Variants in RBCK1 observed in about 807,000 individuals in gnomAD.
RBCK1 encodes the protein RANBP2-type and C3HC4-type zinc finger containing 1, also known as ranBP-type and C3HC4-type zinc finger-containing protein 1.
RBCK1 carries 44 observed loss-of-function variants against 71.1 expected under a neutral mutation model. The ratio of observed to expected loss-of-function variants is 0.62; its 90% CI spans 0.49 to 0.80. RBCK1 has a LOEUF of 0.80. Ranked by LOEUF, RBCK1 falls within the 30% of genes least tolerant of loss-of-function variation. The pLI is 0.00. For synonymous variants in RBCK1, 306 were observed against 279.7 expected, an observed-to-expected ratio of 1.09 and a Z score of -0.94; for missense variants, 569 against 685.0, an observed-to-expected ratio of 0.83 and a Z score of 1.89.
In RBCK1 at chr20:430,373, C is replaced by T. The variant is rs2016956692; in HGVS notation, c.1476C>T (p.Gly492=). Residue 492 remains glycine, a synonymous_variant, in exon 12 of 12, where the codon GGC becomes GGT. Coordinates refer to ENST00000356286, the MANE Select transcript of RBCK1 (RefSeq NM_031229.4). The surrounding 1 kb of genome is among the most constrained non-coding windows in gnomAD (Gnocchi z 5.6). ...GPGGPGDTSG[G]CRCRVNGIPC... is the part of the protein sequence containing the mutation. ...AGGGCCCAGGAGACACCAGCGGGGG[C>T]TGCCGCTGCAGGGTAAATGGGATTC... 1.2e-6 allele frequency: 2 copies of T among 1,613,148 alleles called. No homozygotes were observed. Among genetic ancestry groups the T allele is most frequent in the African/African-American group, 2.7e-5 (2 of 75,054 alleles).
chr20:419,117 G>A lies in RBCK1; in HGVS notation c.461-230G>A, dbSNP rs959093. ...CAGGAGGCACGGAAGGGCTGGTGTTGTGCTGGGTTTTGAAGCTCAAAGGAC... is the reference window on the plus strand; with the variant it reads ...CAGGAGGCACGGAAGGGCTGGTGTTATGCTGGGTTTTGAAGCTCAAAGGAC... On this transcript the variant is annotated intron_variant, in intron 4 of 11. Transcript: ENST00000356286. 0.82 allele frequency among the ~76,000 whole-genome samples: 125,477 copies of A among 152,182 alleles called. 51,823 individuals are homozygous for A. The highest frequency in any genetic ancestry group is 0.86 in the Admixed American group (13,150 of 15,298).
intron 7 of RBCK1, 56 bp downstream of exon 7, chr20:421,087 G>T: frequency 6.8e-7 from 1 of 1,479,880 alleles, no homozygotes; most frequent in South Asian, 1.3e-5. Flanking sequence ...CGCCAATTAC[G>T]CAGGGCTGGA....
chr20:419,400 C>A lies in RBCK1; in HGVS notation c.514C>A (p.Pro172Thr), dbSNP rs751621844. 222 of 1,611,912 alleles carry A rather than the reference C, an allele frequency of 1.4e-4. No homozygotes were observed. Among genetic ancestry groups the A allele is most frequent in the Non-Finnish European group, 1.8e-4 (215 of 1,179,458 alleles). Residue 172 changes from proline to threonine, a missense_variant, in exon 5 of 12, where the codon CCC (proline) becomes ACC (threonine). Coordinates refer to ENST00000356286, the MANE Select transcript of RBCK1 (RefSeq NM_031229.4). The part of the protein sequence containing the change: ...LQPRGPLEPG[P>T]PKPGVPQEPG... ...GCCGCGGGGCCCTCTGGAGCCAGGC[C>A]CCCCAAAGCCCGGGGTCCCCCAGGA...
At chr20:420,811 C>T in intron 6 of RBCK1, 60 bp from the exon 7 acceptor site, 3 of 1,482,432 alleles carry the variant, frequency 2.0e-6, no homozygotes, top group Non-Finnish European at 2.7e-6. Context: ...CTTCCCCCTT[C>T]GGGGTCTGAC....
Position 429,084 on chromosome 20 carries a change from G to GGGTCACCAA in RBCK1, c.1444_1445insTCACCAAGG (p.Trp481_Gly482insValThrLys). The GGGTCACCAA allele has an allele frequency of 6.2e-7, 1 of 1,611,890 alleles. No homozygotes were observed. The highest frequency in any genetic ancestry group is 8.5e-7 in the Non-Finnish European group (1 of 1,179,094). On this transcript the variant is annotated inframe_insertion, in exon 11 of 12. Coordinates refer to ENST00000356286, the MANE Select transcript of RBCK1 (RefSeq NM_031229.4). ...TGCTGGGTCACCAAGGGCCCACGCT[G>GGGTCACCAA]GGGCCCTGGGGTGAGTCTTTGCTCG...
At chr20:420,765 G>T in intron 6 of RBCK1, 106 bp from the exon 7 acceptor site, 2 of 545,610 alleles carry the variant, frequency 3.7e-6, no homozygotes, top group Non-Finnish European at 5.3e-6. Context: ...TTTGCCTGTG[G>T]CTGGTCTGAC....
Position 417,186 on chromosome 20 carries a change from G to A in RBCK1, c.168-340G>A, listed in dbSNP as rs776512085. The A allele has an allele frequency of 2.5e-5, 13 of 520,078 alleles. No homozygotes were observed. Among genetic ancestry groups the A allele is most frequent in the African/African-American group, 5.8e-5 (3 of 52,080 alleles). The allele number at this position is 520,078 out of a possible 1,614,324, so 32.2% of individuals were successfully genotyped here. A position where few individuals can be genotyped will look rare whatever the true frequency, so the allele number is the denominator to read the frequency against. ...GAAGTGCATTAAATAGTCTTAGCAC[G>A]TAGTTAACAACAACTTCTGGTGGTT... On this transcript the variant is annotated intron_variant, in intron 2 of 11. Coordinates refer to ENST00000356286, the MANE Select transcript of RBCK1 (RefSeq NM_031229.4). The surrounding 1 kb of genome is among the most constrained non-coding windows in gnomAD (Gnocchi z 4.7).
At chr20:416,174 G>C (rs903369871) in intron 2 of RBCK1, among the ~76,000 whole-genome samples, 1 of 63,012 alleles carries the variant, frequency 1.6e-5, no homozygotes, top group Non-Finnish European at 3.0e-5. Context: ...TTTTTTTTTT[G>C]AGACAGAGTT....
intron 2 of RBCK1, among the ~76,000 whole-genome samples, chr20:411,209 C>A (rs1326103706): frequency 2.0e-5 from 3 of 152,026 alleles, no homozygotes; most frequent in Non-Finnish European, 2.9e-5. Context: ...CTAACAACTT[C>A]ATTCCCCTTT....
chr20:410,498 T>G (rs771863730), intron 2 of RBCK1: 1 of 779,676 alleles, frequency 1.3e-6, no homozygotes, highest in African/African-American at 1.7e-5. Flanking sequence ...CTCCACACTC[T>G]TCTAAAGAGC....
intron 2 of RBCK1, among the ~76,000 whole-genome samples, chr20:415,779 C>T (rs1422171305): frequency 3.3e-5 from 5 of 152,168 alleles, no homozygotes; most frequent in Non-Finnish European, 7.3e-5. Flanking sequence ...GTGTAGGAAG[C>T]ATGGTCCTGA....
At position 408,552 on chromosome 20, in the gene RBCK1, A is replaced by G. The variant is rs894780026; in HGVS notation, c.-206A>G. The G allele has an allele frequency of 1.5e-6, 1 of 654,396 alleles. No homozygotes were observed. The highest frequency in any genetic ancestry group is 2.7e-6 in the Non-Finnish European group (1 of 372,800). The allele number at this position is 654,396 out of a possible 1,614,324, so 40.5% of individuals were successfully genotyped here. A position where few individuals can be genotyped will look rare whatever the true frequency, so the allele number is the denominator to read the frequency against. On this transcript the variant is annotated 5_prime_UTR_variant, in exon 1 of 12. Coordinates refer to ENST00000356286, the MANE Select transcript of RBCK1 (RefSeq NM_031229.4). ...GCGCCCGCTGCCCTCTCACCGCCCCACGCAGGATCCCGGCCTGGTCACCGG... is the reference window on the plus strand; with the variant it reads ...GCGCCCGCTGCCCTCTCACCGCCCCGCGCAGGATCCCGGCCTGGTCACCGG...
intron 2 of RBCK1, among the ~76,000 whole-genome samples, chr20:416,210 C>T (rs905459131): frequency 4.9e-5 from 7 of 144,282 alleles, no homozygotes; most frequent in Non-Finnish European, 7.4e-5. Flanking sequence ...GGCTGGAGTG[C>T]GGTGGCGCAA....
chr20:413,752 T>C (rs1351250384), intron 2 of RBCK1, among the ~76,000 whole-genome samples: 1 of 152,184 alleles, frequency 6.6e-6, no homozygotes, highest in Non-Finnish European at 1.5e-5. Context: ...TGTTGGGTTC[T>C]CATCGATGGA....
rs77722296 is a variant in RBCK1 at position 418,240 on chromosome 20, C to T, written c.460+310C>T. Among the ~76,000 whole-genome samples the T allele has an allele frequency of 4.6e-5, 7 of 152,178 alleles. No homozygotes were observed. The South Asian group carries it at 6.2e-4, about 14-fold the overall frequency. ...ATCATAAATTGGGTATGACAGTGAT[C>T]GTGATAACTAGTGTTTATTCTTAAT... is the stretch of plus-strand genomic sequence containing the variant. On this transcript the variant is annotated intron_variant, in intron 4 of 11. Coordinates refer to ENST00000356286, the MANE Select transcript of RBCK1 (RefSeq NM_031229.4).
intron 2 of RBCK1, among the ~76,000 whole-genome samples, chr20:414,383 G>A (rs1187947407): frequency 1.3e-5 from 2 of 152,206 alleles, no homozygotes; most frequent in African/African-American, 4.8e-5. Context: ...GAGTGACAAG[G>A]TGAAACCCTG....
In RBCK1 at chr20:419,660, T is replaced by C; in HGVS notation, c.685T>C (p.Ser229Pro). The change falls in exon 6 of 12, where the codon TCA becomes CCA. Residue 229 changes from serine (S) to proline (P), a missense_variant. Physicochemically the swap from Ser to Pro is moderately conservative, Grantham distance 74. Transcript: ENST00000356286. ...ARPEAYQVPASYQPDEEERAR... is the reference protein window; with the variant it reads ...ARPEAYQVPAPYQPDEEERAR... ...CCCCGAGGCCTACCAGGTCCCCGCC[T>C]CATACCAGCCCGACGAGGAGGAGCG... 1 of 1,584,052 alleles carries C rather than the reference T, an allele frequency of 6.3e-7. No homozygotes were observed. Among genetic ancestry groups the C allele is most frequent in the Non-Finnish European group, 8.6e-7 (1 of 1,167,598 alleles).
At chr20:419,244 G>A in intron 4 of RBCK1, 103 bp from the exon 5 acceptor site, 12 of 1,494,586 alleles carry the variant, frequency 8.0e-6, no homozygotes, top group Non-Finnish European at 1.1e-5. Flanking sequence ...AGGAGGGAGA[G>A]GATAGGGGGA....
In RBCK1 at chr20:427,431, A is replaced by G; in HGVS notation, c.1148A>G (p.Glu383Gly). The change falls in exon 9 of 12, where the codon GAG (glutamate) becomes GGG (glycine). Residue 383 changes from glutamate to glycine, a missense_variant. Glu to Gly is a moderately conservative substitution (Grantham distance 98). Transcript: ENST00000356286. ...TPDCKGWCFF[E>G]DDVNEFTCPV... Reference sequence around the variant, plus strand: ...GATTGCAAGGGATGGTGCTTCTTTGAGGATGATGTCAATGAGTTCACCTGC... The same window carrying G: ...GATTGCAAGGGATGGTGCTTCTTTGGGGATGATGTCAATGAGTTCACCTGC... 1 of 1,614,160 alleles carries G rather than the reference A, an allele frequency of 6.2e-7. No individual in the cohort carries two copies. Among genetic ancestry groups the G allele is most frequent in the Non-Finnish European group, 8.5e-7 (1 of 1,180,028 alleles).
Sources: allele counts gnomAD v4.1 joint callset (sites outside exome capture counted in the v4.1 genomes callset), GRCh38; gene constraint gnomAD v4.1.1; non-coding constraint Gnocchi (gnomAD v3.1); transcripts MANE v1.5; gene names NCBI Gene and HGNC (gene_info 2026-07-23, HGNC 2026-07-21).